The following DNAH14 variants were observed in gnomAD, a reference collection of about 807,000 sequenced individuals.
DNAH14 encodes the protein dynein axonemal heavy chain 14, also known as axonemal beta dynein heavy chain 14.
A neutral mutation model predicts 520.9 loss-of-function variants in DNAH14; 478 were observed. The ratio of observed to expected loss-of-function variants is 0.92; its 90% CI spans 0.85 to 0.99. The LOEUF (loss-of-function observed/expected upper bound fraction) is 0.99. Among genes scored for constraint, DNAH14 ranks in the 50% least tolerant of loss-of-function variants. The pLI is 0.00. For missense variants in DNAH14, 4,831 were observed against 5,234.5 expected (o/e 0.92, Z 2.38); for synonymous variants, 1,581 against 1,757.2 (o/e 0.90, Z 2.51).
At chr1:225,205,876 A>G in intron 39 of DNAH14, 95 bp from the exon 40 acceptor site, 1 of 1,058,204 alleles carries the variant, frequency 9.4e-7, no homozygotes, top group Non-Finnish European at 1.4e-6. Flanking sequence ...TTCCTCTTAG[A>G]AAATATGTCC....
intron 3 of DNAH14, among the ~76,000 whole-genome samples, chr1:224,957,669 T>C (rs974898751): frequency 5.9e-5 from 9 of 151,564 alleles, no homozygotes; most frequent in Admixed American, 2.0e-4. Context: ...AAAGGAGGAG[T>C]GGTCTAAAGT....
intron 49 of DNAH14, among the ~76,000 whole-genome samples, chr1:225,267,364 G>T (rs2093155979): frequency 6.7e-6 from 1 of 150,190 alleles, no homozygotes; most frequent in Non-Finnish European, 1.5e-5. Flanking sequence ...CACAATCACG[G>T]CTCACTGCAA....
At position 225,335,636 on chromosome 1, in the gene DNAH14, TGC is replaced by T. The variant is rs761383958; in HGVS notation, c.10081-1629_10081-1628del. 1.3e-4 allele frequency among the ~76,000 whole-genome samples: 17 copies of T among 135,630 alleles called. 1 individual carries two copies. Among genetic ancestry groups the T allele is most frequent in the Non-Finnish European group, 1.9e-4 (12 of 63,512 alleles). The allele number at this position is 135,630 out of a possible 152,430, so 89.0% of individuals were successfully genotyped here. ...GTGTATATACGCATATATACATATG[TGC>T]ATATATGTATATACGCATATATACA... On this transcript the variant is annotated intron_variant, in intron 66 of 85. Coordinates refer to ENST00000682510, the MANE Select transcript of DNAH14 (RefSeq NM_001367479.1).
chr1:225,253,542 A>C (rs1271044350), intron 44 of DNAH14, among the ~76,000 whole-genome samples: 1 of 152,080 alleles, frequency 6.6e-6, no homozygotes, highest in African/African-American at 2.4e-5. Context: ...GACATCCTAG[A>C]TGTGCTTCAA....
Position 225,147,228 on chromosome 1 carries a change from CA to C in DNAH14, c.4923del (p.Asp1642ThrfsTer26), listed in dbSNP as rs758421334. The C allele has an allele frequency of 6.5e-7, 1 of 1,545,540 alleles. No individual in the cohort carries two copies. Among genetic ancestry groups the C allele is most frequent in the South Asian group, 1.2e-5 (1 of 82,040 alleles). On this transcript the variant is annotated frameshift_variant, in exon 31 of 86. Transcript: ENST00000682510. LOFTEE classifies it high-confidence loss of function. ...IASQILTIKA[A>X]KDNYSARFVL... is the part of the protein sequence containing the mutation. ...TCACAGATCCTAACAATTAAGGCTG[CA>C]AAAGACAACTATTCTGCCAGGTATT...
chr1:225,046,921 A>T (rs1362992367), intron 15 of DNAH14, among the ~76,000 whole-genome samples: 1 of 152,040 alleles, frequency 6.6e-6, no homozygotes, highest in Non-Finnish European at 1.5e-5. Flanking sequence ...TCTTGTGACT[A>T]CTTCCTTAGT....
At chr1:225,264,762 G>A (rs1473574477) in intron 47 of DNAH14, among the ~76,000 whole-genome samples, 1 of 152,120 alleles carries the variant, frequency 6.6e-6, no homozygotes, top group African/African-American at 2.4e-5. Context: ...GCTGTAGAAA[G>A]GGGAAGGATG....
chr1:225,374,467 G>A (rs2095670415), intron 77 of DNAH14, among the ~76,000 whole-genome samples: 1 of 151,072 alleles, frequency 6.6e-6, no homozygotes, highest in Admixed American at 6.6e-5. Context: ...CACCATGTTG[G>A]TCAGGCTGGT....
rs1030997258 is a variant in DNAH14 at position 224,939,346 on chromosome 1, A to G, written c.-34+9511A>G. Among the ~76,000 whole-genome samples, 17 of 151,942 alleles carry G rather than the reference A, an allele frequency of 1.1e-4. No homozygotes were observed. In the East Asian group the frequency reaches 1.5e-3, roughly 14 times the overall value. On this transcript the variant is annotated intron_variant, in intron 1 of 85. Transcript: ENST00000682510. Reference sequence around the variant, plus strand: ...TAATCCTTTTCCCCTATACCCAGTCATCATTGATCTTGGCATGGCCCTTTT... The same window carrying G: ...TAATCCTTTTCCCCTATACCCAGTCGTCATTGATCTTGGCATGGCCCTTTT...
intron 11 of DNAH14, chr1:225,024,194 A>G: frequency 3.0e-6 from 3 of 988,764 alleles, no homozygotes; most frequent in Non-Finnish European, 3.6e-6. Flanking sequence ...TATTTGTTAT[A>G]TCTGGCAATT....
At chr1:225,111,820 G>T (rs1371522571) in intron 23 of DNAH14, among the ~76,000 whole-genome samples, 1 of 151,604 alleles carries the variant, frequency 6.6e-6, no homozygotes, top group Non-Finnish European at 1.5e-5. Flanking sequence ...TGGATCTGAG[G>T]TTACCATGAG....
chr1:225,335,893 A>G (rs1288694528), intron 66 of DNAH14, among the ~76,000 whole-genome samples: 1 of 112,484 alleles, frequency 8.9e-6, no homozygotes, highest in Non-Finnish European at 2.1e-5. Context: ...ATGTACATAT[A>G]CATACATATA....
chr1:225,389,277 T>C (rs1269317421), intron 82 of DNAH14, among the ~76,000 whole-genome samples: 1 of 152,182 alleles, frequency 6.6e-6, no homozygotes, highest in Non-Finnish European at 1.5e-5. Context: ...TCCAAGGACA[T>C]GAAGTGCCCA....
chr1:225,163,832 T>G (rs2081776995), intron 35 of DNAH14, among the ~76,000 whole-genome samples: 1 of 152,136 alleles, frequency 6.6e-6, no homozygotes, highest in African/African-American at 2.4e-5. Context: ...TGATGTGTCT[T>G]TGTCTGGTTT....
intron 41 of DNAH14, among the ~76,000 whole-genome samples, chr1:225,210,854 G>A (rs1451983744): frequency 6.6e-6 from 1 of 152,214 alleles, no homozygotes; most frequent in Non-Finnish European, 1.5e-5. Flanking sequence ...TGATACCCAG[G>A]CAAACAGGAT....
At chr1:225,130,612 T>C (rs1450802644) in intron 27 of DNAH14, among the ~76,000 whole-genome samples, 1 of 135,964 alleles carries the variant, frequency 7.4e-6, no homozygotes, top group Admixed American at 8.6e-5. Context: ...TAGATGGGAA[T>C]TGAACAATGA....
chr1:224,942,966 T>A (rs932354333), intron 1 of DNAH14, among the ~76,000 whole-genome samples: 15 of 152,160 alleles, frequency 9.9e-5, no homozygotes, highest in Non-Finnish European at 2.1e-4. Flanking sequence ...TGAAATTCTC[T>A]TTTTTTGTTG....
intron 10 of DNAH14, among the ~76,000 whole-genome samples, chr1:225,016,951 CCT>C (rs2065263438): frequency 6.6e-6 from 1 of 151,694 alleles, no homozygotes; most frequent in Non-Finnish European, 1.5e-5. Flanking sequence ...GAATTGTTTT[CCT>C]GGTCTCATTG....
intron 36 of DNAH14, among the ~76,000 whole-genome samples, chr1:225,174,829 T>C (rs924648405): frequency 2.0e-5 from 3 of 152,200 alleles, no homozygotes; most frequent in Non-Finnish European, 1.5e-5. Flanking sequence ...TTCACTTTAT[T>C]GTGTTGATGT....
Sources: allele counts gnomAD v4.1 joint callset (sites outside exome capture counted in the v4.1 genomes callset), GRCh38; gene constraint gnomAD v4.1.1; transcripts MANE v1.5; gene names NCBI Gene and HGNC (gene_info 2026-07-23, HGNC 2026-07-21).